Variants in LRIT3 observed in about 807,000 individuals in gnomAD.
The protein encoded by LRIT3 is leucine-rich repeat, immunoglobulin-like domain and transmembrane domain-containing protein 3.
LRIT3 carries 14 observed loss-of-function variants against 22.6 expected under a neutral mutation model. The observed-to-expected ratio is 0.62, with a 90% CI of 0.41 to 0.97. The LOEUF (loss-of-function observed/expected upper bound fraction) is 0.97, where lower values mean the gene tolerates loss of function less well. Ranked by LOEUF, LRIT3 falls within the 50% of genes least tolerant of loss-of-function variation. The pLI is 0.00. For missense variants in LRIT3, 783 were observed against 803.0 expected (o/e 0.98, Z 0.30); for synonymous variants, 306 against 304.5 (o/e 1.01, Z -0.05).
intron 1 of LRIT3, among the ~76,000 whole-genome samples, chr4:109,850,162 G>A (rs946636921): frequency 6.6e-5 from 10 of 152,040 alleles, no homozygotes; most frequent in African/African-American, 1.7e-4. Context: ...TTTCACTAAA[G>A]GGTTATTTTA....
intron 2 of LRIT3, among the ~76,000 whole-genome samples, chr4:109,856,893 C>T (rs959099314): frequency 2.6e-5 from 4 of 151,882 alleles, no homozygotes; most frequent in African/African-American, 7.3e-5. Context: ...CAGCAGTCAC[C>T]GTAACAGCAA....
At chr4:109,867,065 A>G (rs1260161148) in intron 2 of LRIT3, among the ~76,000 whole-genome samples, 3 of 152,172 alleles carry the variant, frequency 2.0e-5, no homozygotes, top group African/African-American at 7.2e-5. Flanking sequence ...ATACCTTCAA[A>G]TCACATAAAA....
Position 109,870,847 on chromosome 4 carries a change from C to A in LRIT3, c.*58C>A. The A allele has an allele frequency of 6.7e-7, 1 of 1,494,766 alleles. No homozygotes were observed. The highest frequency in any genetic ancestry group is 8.9e-7 in the Non-Finnish European group (1 of 1,119,074). 92.6% of individuals were successfully genotyped at this position (1,494,766 alleles called of 1,614,324 possible). A position where few individuals can be genotyped will look rare whatever the true frequency, so the allele number is the denominator to read the frequency against. On this transcript the variant is annotated 3_prime_UTR_variant, in exon 4 of 4. Transcript: ENST00000594814. Reference sequence around the variant, plus strand: ...AACTAGCATCTAAGGGTATAATTGACCCTAGGTTTGGATGACTTTTGGACA... The same window carrying A: ...AACTAGCATCTAAGGGTATAATTGAACCTAGGTTTGGATGACTTTTGGACA...
At position 109,869,753 on chromosome 4, in the gene LRIT3, G is replaced by A. The variant is rs1251206758; in HGVS notation, c.1004G>A (p.Gly335Glu). Residue 335 changes from glycine (G) to glutamate (E), a missense_variant, in exon 4 of 4, where the codon GGG (glycine) becomes GAG (glutamate). Physicochemically the swap from Gly to Glu is moderately conservative, Grantham distance 98 (BLOSUM62 -2). Around this residue, in one of 2 missense-constraint regions of LRIT3, gnomAD observed 756 missense variants for 753.8 expected, o/e 1.00. Transcript: ENST00000594814. ...DYKCKAKNLA[G>E]MSEAVVTVTV... ...AAATGTAAGGCCAAAAATCTGGCTGGGATGTCAGAAGCTGTGGTTACTGTG... is the reference window on the plus strand; with the variant it reads ...AAATGTAAGGCCAAAAATCTGGCTGAGATGTCAGAAGCTGTGGTTACTGTG... 5 of 1,613,694 alleles carry A rather than the reference G, an allele frequency of 3.1e-6. No homozygotes were observed. The Admixed American group carries it at 6.7e-5, about 22-fold the overall frequency.
At chr4:109,851,289 T>C in intron 1 of LRIT3, 1 of 560,736 alleles carries the variant, frequency 1.8e-6, no homozygotes. Context: ...GTTGAGACAC[T>C]GGTGAAGTGG....
At chr4:109,861,267 G>T (rs1249468612) in intron 2 of LRIT3, among the ~76,000 whole-genome samples, 1 of 151,922 alleles carries the variant, frequency 6.6e-6, no homozygotes, top group Admixed American at 6.6e-5. Flanking sequence ...CTACTCAGGT[G>T]AGGTAGGAGA....
At chr4:109,850,423 CTTTCTTTCTTTCTTTCTTTCTTTCT>C (rs1328285800) in intron 1 of LRIT3, among the ~76,000 whole-genome samples, 34 of 6,136 alleles carry the variant, frequency 5.5e-3, no homozygotes, top group South Asian at 0.017. Context: ...TCCTTCCTTC[CTTTCTTTCTTTCTTTCTTTCTTTCT>C]TTCTTTCTTT....
At position 109,867,880 on chromosome 4, in the gene LRIT3, G is replaced by A. The variant is rs1734724577; in HGVS notation, c.829G>A (p.Ala277Thr). 1.9e-6 allele frequency: 3 copies of A among 1,613,852 alleles called. No individual in the cohort carries two copies. The highest frequency in any genetic ancestry group is 2.5e-6 in the Non-Finnish European group (3 of 1,180,014). Residue 277 changes from alanine (A) to threonine (T), a missense_variant, in exon 3 of 4, where the codon GCC (alanine) becomes ACC (threonine). Physicochemically the swap from Ala to Thr is moderately conservative, Grantham distance 58 (BLOSUM62 0). Around this residue, in one of 2 missense-constraint regions of LRIT3, gnomAD observed 756 missense variants for 753.8 expected, o/e 1.00. Coordinates refer to ENST00000594814, the MANE Select transcript of LRIT3 (RefSeq NM_198506.5). ...LGSNVLLRCD[A>T]TGFPTPQITW... Reference sequence around the variant, plus strand: ...CAGTAATGTTCTACTGCGGTGTGATGCCACTGGCTTCCCCACCCCACAGAT... The same window carrying A: ...CAGTAATGTTCTACTGCGGTGTGATACCACTGGCTTCCCCACCCCACAGAT...
At chr4:109,865,075 T>A (rs1172979475) in intron 2 of LRIT3, 1 of 1,412,622 alleles carries the variant, frequency 7.1e-7, no homozygotes, top group Non-Finnish European at 9.3e-7. Flanking sequence ...TGTTGTTCCA[T>A]CTTTGGTTTC....
chr4:109,867,518 T>C, intron 2 of LRIT3, 123 bp from the exon 3 acceptor site: 1 of 859,116 alleles, frequency 1.2e-6, no homozygotes, highest in Admixed American at 2.6e-5. Flanking sequence ...GTGACTCTGC[T>C]TCATCCCTCA....
intron 1 of LRIT3, among the ~76,000 whole-genome samples, chr4:109,850,422 C>CCTTCTTTCTTTCTTT (rs66553123): frequency 0.037 from 2,028 of 55,054 alleles, 411 homozygotes; most frequent in East Asian, 0.047. Context: ...TTCCTTCCTT[C>CCTTCTTTCTTTCTTT]CTTTCTTTCT....
chr4:109,870,360 C>A lies in LRIT3; in HGVS notation c.1611C>A (p.Asn537Lys). 6.2e-7 allele frequency: 1 copy of A among 1,614,162 alleles called. No individual in the cohort carries two copies. The highest frequency in any genetic ancestry group is 8.5e-7 in the Non-Finnish European group (1 of 1,180,030). Reference sequence around the variant, plus strand: ...TGTTGAATGCAGACTCCAGCAAGAACCAAGTAACCATAGATGGCTTGGAAC... The same window carrying A: ...TGTTGAATGCAGACTCCAGCAAGAAACAAGTAACCATAGATGGCTTGGAAC... ...LLLLNADSSK[N>K]QVTIDGLEPG... The change falls in exon 4 of 4, where the codon AAC (asparagine) becomes AAA (lysine). Residue 537 changes from asparagine to lysine, a missense_variant. Transcript: ENST00000594814.
rs2125902161 is a variant in LRIT3 at position 109,872,199 on chromosome 4, A to T, written c.*1410A>T. The T allele has an allele frequency of 6.6e-6, 1 of 152,388 alleles. No individual in the cohort carries two copies. The highest frequency in any genetic ancestry group is 6.5e-5 in the Admixed American group (1 of 15,310). 9.4% of individuals were successfully genotyped at this position (152,388 alleles called of 1,614,324 possible). ...CAAACTCTGAGAACGGTCCTCAAATAGAAGCTCTCCTAGTCAGTTGGTCAT... is the reference window on the plus strand; with the variant it reads ...CAAACTCTGAGAACGGTCCTCAAATTGAAGCTCTCCTAGTCAGTTGGTCAT... On this transcript the variant is annotated 3_prime_UTR_variant, in exon 4 of 4. Coordinates refer to ENST00000594814, the MANE Select transcript of LRIT3 (RefSeq NM_198506.5).
chr4:109,857,327 G>A (rs529948361), intron 2 of LRIT3, among the ~76,000 whole-genome samples: 54 of 147,256 alleles, frequency 3.7e-4, no homozygotes, highest in Middle Eastern at 7.2e-3. Flanking sequence ...GCAACAGGGG[G>A]GTATAAGTCC....
intron 2 of LRIT3, among the ~76,000 whole-genome samples, chr4:109,860,442 C>T (rs1206349718): frequency 1.3e-5 from 2 of 152,126 alleles, no homozygotes; most frequent in Non-Finnish European, 2.9e-5. Flanking sequence ...AGGTTTATGC[C>T]TTGCTGGGTG....
rs376842809 is a variant in LRIT3 at position 109,870,347 on chromosome 4, A to T, written c.1598A>T (p.Asp533Val). 6.2e-7 allele frequency: 1 copy of T among 1,613,966 alleles called. No individual in the cohort carries two copies. The highest frequency in any genetic ancestry group is 1.3e-5 in the African/African-American group (1 of 74,888). The change falls in exon 4 of 4, where the codon GAC (aspartate) becomes GTC (valine). Residue 533 changes from aspartate (D) to valine (V), a missense_variant. Transcript: ENST00000594814. ...GGKDLLLLNA[D>V]SSKNQVTIDG... The stretch of plus-strand genomic sequence containing the variant: ...AAGGACCTGCTGCTGTTGAATGCAG[A>T]CTCCAGCAAGAACCAAGTAACCATA...
At chr4:109,867,375 G>A (rs774561834) in intron 2 of LRIT3, among the ~76,000 whole-genome samples, 72 of 152,004 alleles carry the variant, frequency 4.7e-4, no homozygotes, top group Non-Finnish European at 9.7e-4. Context: ...GATAATACAG[G>A]TAAGTGCTTA....
chr4:109,851,535 G>C lies in LRIT3; in HGVS notation c.148G>C (p.Glu50Gln). The C allele has an allele frequency of 6.5e-7, 1 of 1,548,482 alleles. No homozygotes were observed. The highest frequency in any genetic ancestry group is 8.7e-7 in the Non-Finnish European group (1 of 1,144,838). The change falls in exon 2 of 4, where the codon GAG (glutamate) becomes CAG (glutamine). Residue 50 changes from glutamate (E) to glutamine (Q), a missense_variant. Physicochemically the swap from Glu to Gln is conservative, Grantham distance 29 (BLOSUM62 2). This residue lies in a region of LRIT3 where 756 missense variants were observed against 753.8 expected (regional missense o/e 1.00). Coordinates refer to ENST00000594814, the MANE Select transcript of LRIT3 (RefSeq NM_198506.5). The stretch of plus-strand genomic sequence containing the variant: ...GCTATGTAATGACATGGATATGAAC[G>C]AGCTGCCTACGAACCTCCCCGTGGA... ...LVLCNDMDMN[E>Q]LPTNLPVDTV...
chr4:109,849,610 T>TTTA (rs1560588502), intron 1 of LRIT3, among the ~76,000 whole-genome samples: 3 of 147,664 alleles, frequency 2.0e-5, no homozygotes, highest in African/African-American at 8.0e-5. Context: ...GAGATACTTA[T>TTTA]TTTATTTATT....
Sources: allele counts gnomAD v4.1 joint callset (sites outside exome capture counted in the v4.1 genomes callset), GRCh38; gene constraint gnomAD v4.1.1; regional missense constraint gnomAD v4.1.1; transcripts MANE v1.5; gene names NCBI Gene and HGNC (gene_info 2026-07-23, HGNC 2026-07-21).